The following CPED1 variants were observed in gnomAD, a reference collection of about 807,000 sequenced individuals.
CPED1 encodes the protein cadherin like and PC-esterase domain containing 1, also known as cadherin-like and PC-esterase domain-containing protein 1.
Under a neutral mutation model 128.2 loss-of-function variants are expected in CPED1, and 114 were observed. The observed-to-expected ratio is 0.89, with a 90% confidence interval of 0.76 to 1.04. CPED1 has a LOEUF of 1.04. Ranked by LOEUF, CPED1 falls within the 50% of genes least tolerant of loss-of-function variation. The pLI, the probability that CPED1 is intolerant of heterozygous loss-of-function variation, is 0.00. For missense variants in CPED1, 1,211 were observed against 1,207.1 expected, an observed-to-expected ratio of 1.00 and a Z score of -0.05; for synonymous variants, 462 against 426.7, an observed-to-expected ratio of 1.08 and a Z score of -1.02.
chr7:121,203,631 C>T (rs544621632), intron 16 of CPED1, among the ~76,000 whole-genome samples: 3 of 152,100 alleles, frequency 2.0e-5, no homozygotes, highest in Non-Finnish European at 4.4e-5. Context: ...CTCTGTCTCC[C>T]TCCTGTGCTG....
intron 16 of CPED1, among the ~76,000 whole-genome samples, chr7:121,230,446 A>C (rs955250040): frequency 6.6e-6 from 1 of 152,058 alleles, no homozygotes; most frequent in Non-Finnish European, 1.5e-5. Context: ...AGCTTAAATA[A>C]ATAAGAGATA....
intron 5 of CPED1, among the ~76,000 whole-genome samples, chr7:121,078,815 A>G (rs892051180): frequency 1.3e-4 from 20 of 152,300 alleles, no homozygotes; most frequent in Non-Finnish European, 2.4e-4. Flanking sequence ...TGGGCACTGT[A>G]TTAGTTTGCT....
intron 5 of CPED1, among the ~76,000 whole-genome samples, chr7:121,096,999 C>T (rs903821894): frequency 2.6e-5 from 4 of 152,014 alleles, no homozygotes; most frequent in East Asian, 1.9e-4. Flanking sequence ...CAAGTTAATA[C>T]GTAAGCATTG....
At chr7:121,012,336 C>T (rs1562991542) in intron 2 of CPED1, among the ~76,000 whole-genome samples, 1 of 152,194 alleles carries the variant, frequency 6.6e-6, no homozygotes, top group Non-Finnish European at 1.5e-5. Flanking sequence ...GCAACTCTCT[C>T]AAGATGAGAG....
intron 16 of CPED1, among the ~76,000 whole-genome samples, chr7:121,219,084 T>A (rs1271017341): frequency 6.6e-6 from 1 of 152,072 alleles, no homozygotes; most frequent in Non-Finnish European, 1.5e-5. Context: ...ATTTCTTTGT[T>A]CACAAGTCAA....
chr7:121,289,335 C>T (rs1792644926), intron 22 of CPED1, among the ~76,000 whole-genome samples: 1 of 152,018 alleles, frequency 6.6e-6, no homozygotes, highest in South Asian at 2.1e-4. Context: ...AAATTTTTAT[C>T]ATTACATAAT....
intron 2 of CPED1, among the ~76,000 whole-genome samples, chr7:120,995,546 T>A (rs1459579232): frequency 6.6e-6 from 1 of 152,212 alleles, no homozygotes; most frequent in Non-Finnish European, 1.5e-5. Flanking sequence ...ACATATCACC[T>A]ACCTCTTCAA....
chr7:121,061,157 A>C, intron 4 of CPED1: 4 of 622,410 alleles, frequency 6.4e-6, no homozygotes, highest in Non-Finnish European at 8.0e-6. Flanking sequence ...TCATTCTTGA[A>C]GTCAGACCAA....
At chr7:121,015,171 G>C (rs1792267759) in intron 2 of CPED1, among the ~76,000 whole-genome samples, 2 of 152,152 alleles carry the variant, frequency 1.3e-5, no homozygotes, top group South Asian at 4.1e-4. Flanking sequence ...GAGAGAAACT[G>C]CAGCACTGTT....
intron 3 of CPED1, among the ~76,000 whole-genome samples, chr7:121,026,131 A>G (rs942575579): frequency 2.6e-5 from 4 of 152,188 alleles, no homozygotes; most frequent in South Asian, 2.1e-4. Context: ...TGTTAATTTC[A>G]GTGATGCCAA....
At chr7:121,078,216 T>C (rs1274483919) in intron 5 of CPED1, among the ~76,000 whole-genome samples, 4 of 152,068 alleles carry the variant, frequency 2.6e-5, no homozygotes, top group African/African-American at 9.7e-5. Context: ...AGCTAATTTT[T>C]GTATTTTTGA....
chr7:121,039,524 G>A (rs941026785), intron 3 of CPED1, among the ~76,000 whole-genome samples: 6 of 151,978 alleles, frequency 3.9e-5, no homozygotes, highest in Non-Finnish European at 7.4e-5. Flanking sequence ...TTAAATTGTT[G>A]CAATGTTAAT....
At chr7:121,286,391 C>A (rs1792573533) in intron 22 of CPED1, among the ~76,000 whole-genome samples, 1 of 152,162 alleles carries the variant, frequency 6.6e-6, no homozygotes, top group South Asian at 2.1e-4. Context: ...GGTTCTTTCC[C>A]CAGGGGTTCC....
chr7:121,288,325 G>A (rs1482787835), intron 22 of CPED1, among the ~76,000 whole-genome samples: 1 of 152,164 alleles, frequency 6.6e-6, no homozygotes, highest in African/African-American at 2.4e-5. Context: ...TGAATTAAGT[G>A]TTGTTGGGCC....
chr7:121,190,429 CA>C (rs1206168669), intron 16 of CPED1, among the ~76,000 whole-genome samples: 2 of 145,278 alleles, frequency 1.4e-5, no homozygotes, highest in African/African-American at 5.1e-5. Context: ...TTTTATTGGA[CA>C]GGGGTCAGGA....
At chr7:121,100,783 T>A (rs1288882049) in intron 7 of CPED1, among the ~76,000 whole-genome samples, 4 of 152,114 alleles carry the variant, frequency 2.6e-5, no homozygotes, top group Non-Finnish European at 5.9e-5. Context: ...ATGCATAGGG[T>A]CCCTCATAGT....
At chr7:121,071,277 C>A (rs1454194794) in intron 5 of CPED1, among the ~76,000 whole-genome samples, 1 of 152,116 alleles carries the variant, frequency 6.6e-6, no homozygotes, top group Admixed American at 6.6e-5. Flanking sequence ...CATTAGGATT[C>A]AGATCCCATC....
chr7:121,191,423 G>A (rs1208391313), intron 16 of CPED1, among the ~76,000 whole-genome samples: 1 of 152,128 alleles, frequency 6.6e-6, no homozygotes, highest in Non-Finnish European at 1.5e-5. Context: ...CTGAGGAGAA[G>A]AATATTATTT....
At chr7:121,249,835 C>A (rs1420079271) in intron 18 of CPED1, among the ~76,000 whole-genome samples, 4 of 152,152 alleles carry the variant, frequency 2.6e-5, no homozygotes, top group Non-Finnish European at 5.9e-5. Context: ...TCCTTAGTGA[C>A]CTATAAAGAG....
Sources: allele counts gnomAD v4.1 joint callset (sites outside exome capture counted in the v4.1 genomes callset), GRCh38; gene constraint gnomAD v4.1.1; transcripts MANE v1.5; gene names NCBI Gene and HGNC (gene_info 2026-07-23, HGNC 2026-07-21).